The following THEMIS2 variants were observed in gnomAD, a reference collection of about 807,000 sequenced individuals.
THEMIS2 encodes the protein thymocyte selection associated family member 2, also known as protein THEMIS2.
A neutral mutation model predicts 46.8 loss-of-function variants in THEMIS2; 29 were observed. The observed-to-expected ratio is 0.62, with a 90% CI of 0.46 to 0.84. The LOEUF (loss-of-function observed/expected upper bound fraction) is 0.84. Ranked by LOEUF, THEMIS2 falls within the 40% of genes least tolerant of loss-of-function variation. THEMIS2 has a pLI of 0.00. For missense variants in THEMIS2, 698 were observed against 834.7 expected (o/e 0.84, Z 2.02); for synonymous variants, 335 against 349.1 (o/e 0.96, Z 0.45).
chr1:27,880,031 A>G lies in THEMIS2; in HGVS notation c.623A>G (p.Tyr208Cys). 1 of 1,605,890 alleles carries G rather than the reference A, an allele frequency of 6.2e-7. No individual in the cohort carries two copies. The highest frequency in any genetic ancestry group is 8.5e-7 in the Non-Finnish European group (1 of 1,173,764). ...CATTCCCTGATCCTGCGGCCCCAGT[A>G]TGAGATCCAAGCCATCATGCACAGT... ...PWHSLILRPQ[Y>C]EIQAIMHMRR... Residue 208 changes from tyrosine (Y) to cysteine (C), a missense_variant, in exon 3 of 6, where the codon TAT becomes TGT. Coordinates refer to ENST00000373921, the MANE Select transcript of THEMIS2 (RefSeq NM_001105556.3).
rs781454382 is a variant in THEMIS2 at position 27,879,639 on chromosome 1, C to G, written c.236-5C>G. 6.3e-7 allele frequency: 1 copy of G among 1,583,714 alleles called. No homozygotes were observed. The highest frequency in any genetic ancestry group is 8.6e-7 in the Non-Finnish European group (1 of 1,160,228). On this transcript the variant is annotated splice_polypyrimidine_tract_variant and splice_region_variant and intron_variant, in intron 2 of 5. Transcript: ENST00000373921. Reference sequence around the variant, plus strand: ...GACCTGCCTGCTCTCTGCTGTCCCCCACAGGCTACTTCACCCCCCTCAACA... The same window carrying G: ...GACCTGCCTGCTCTCTGCTGTCCCCGACAGGCTACTTCACCCCCCTCAACA...
chr1:27,879,498 C>A (rs1282299238), intron 2 of THEMIS2, 146 bp from the exon 3 acceptor site: 5 of 700,094 alleles, frequency 7.1e-6, no homozygotes, highest in Non-Finnish European at 1.2e-5. Context: ...GCCCAGATGT[C>A]CAGATGCAAA....
intron 2 of THEMIS2, 111 bp downstream of exon 2, chr1:27,876,839 C>T (rs1203328805): frequency 3.0e-6 from 4 of 1,343,234 alleles, no homozygotes; most frequent in Non-Finnish European, 3.0e-6. Flanking sequence ...TCGGGGTTTG[C>T]TCCCGAGGCC....
rs1428843941 is a variant in THEMIS2 at position 27,882,278 on chromosome 1, G to A, written c.954G>A (p.Gly318=). The A allele has an allele frequency of 3.7e-6, 6 of 1,606,758 alleles. 1 individual carries two copies. The South Asian group carries it at 5.5e-5, about 15-fold the overall frequency. The change falls in exon 4 of 6, where the codon GGG becomes GGA. Residue 318 remains glycine (G), a synonymous_variant. Coordinates refer to ENST00000373921, the MANE Select transcript of THEMIS2 (RefSeq NM_001105556.3). The surrounding 1 kb of genome is among the most constrained non-coding windows in gnomAD (Gnocchi z 7.6). ...TGCCCAGGCACTTCCTGGTGTCAGGGGGCTACCAAGGCAAGCTGCGGCGGC... is the reference window on the plus strand; with the variant it reads ...TGCCCAGGCACTTCCTGGTGTCAGGAGGCTACCAAGGCAAGCTGCGGCGGC... ...RKVPRHFLVS[G]GYQGKLRRRP...
chr1:27,874,433 G>A (rs898749304), intron 1 of THEMIS2, among the ~76,000 whole-genome samples: 1 of 151,838 alleles, frequency 6.6e-6, no homozygotes, highest in African/African-American at 2.4e-5. Context: ...TTGAGCCTAG[G>A]AGTTCGAGAT....
rs1045846619 is a variant in THEMIS2, at chr1:27,879,825, C to T, written c.417C>T (p.Leu139=). Residue 139 remains leucine (L), a synonymous_variant, in exon 3 of 6, where the codon CTC becomes CTT. Transcript: ENST00000373921. ...LLMLEAVVMH[L]GIRSARCVLG... ...TGCTTGAGGCTGTGGTGATGCACCT[C>T]GGGATCCGCTCTGCCCGCTGTGTCC... 31 of 1,613,760 alleles carry T rather than the reference C, an allele frequency of 1.9e-5. No individual in the cohort carries two copies. Among genetic ancestry groups the T allele is most frequent in the South Asian group, 7.7e-5 (7 of 91,088 alleles).
intron 2 of THEMIS2, among the ~76,000 whole-genome samples, chr1:27,876,997 AG>A (rs1434089372): frequency 6.6e-6 from 1 of 152,182 alleles, no homozygotes; most frequent in African/African-American, 2.4e-5. Flanking sequence ...CCTGTCTCTG[AG>A]TTCACTCACA....
intron 4 of THEMIS2, 156 bp from the exon 5 acceptor site, chr1:27,885,139 T>C (rs1467464): frequency 0.4 from 276,187 of 697,074 alleles, 56,319 homozygotes; most frequent in African/African-American, 0.57. Context: ...TTCACATGCA[T>C]GTAGCAAAAA....
chr1:27,880,516 G>A (rs1372448385), intron 3 of THEMIS2, among the ~76,000 whole-genome samples: 1 of 152,014 alleles, frequency 6.6e-6, no homozygotes, highest in East Asian at 1.9e-4. Flanking sequence ...AAATTATCTC[G>A]GCTACGCCAG....
At chr1:27,876,489 G>A in intron 1 of THEMIS2, 99 bp from the exon 2 acceptor site, 1 of 1,454,618 alleles carries the variant, frequency 6.9e-7, no homozygotes, top group South Asian at 1.3e-5. Flanking sequence ...GGCACCATGT[G>A]CAAAGGCATG....
In THEMIS2 at chr1:27,882,126, G is replaced by A. The variant is rs777916241; in HGVS notation, c.802G>A (p.Val268Ile). The change falls in exon 4 of 6, where the codon GTT (valine) becomes ATT (isoleucine). Residue 268 changes from valine (V) to isoleucine (I), a missense_variant. Val to Ile is a conservative substitution (Grantham distance 29). Coordinates refer to ENST00000373921, the MANE Select transcript of THEMIS2 (RefSeq NM_001105556.3). This position sits in a 1 kb window ranked among gnomAD's most constrained non-coding sequence, Gnocchi z 7.6. ...CCCCCTGTCCATGGAGATCCTGGAG[G>A]TTCCTGAGGGCCGCCCCATCTTCCT... is the stretch of plus-strand genomic sequence containing the variant. ...PFPLSMEILE[V>I]PEGRPIFLSP... 3.7e-6 allele frequency: 6 copies of A among 1,614,096 alleles called. No individual in the cohort carries two copies. Among genetic ancestry groups the A allele is most frequent in the Admixed American group, 1.7e-5 (1 of 60,012 alleles).
At chr1:27,878,122 CAAA>C (rs71586806) in intron 2 of THEMIS2, among the ~76,000 whole-genome samples, 4 of 77,710 alleles carry the variant, frequency 5.1e-5, no homozygotes, top group Non-Finnish European at 5.2e-5. Context: ...CTCTGTCTCT[CAAA>C]AAAAAAAAAA....
At position 27,872,617 on chromosome 1, in the gene THEMIS2, G is replaced by A; in HGVS notation, c.46G>A (p.Ala16Thr). ...LQDFVRALDP[A>T]SLPRVLRVCS... The stretch of plus-strand genomic sequence containing the variant: ...GGACTTCGTGCGCGCCTTGGACCCC[G>A]CCTCCCTCCCGCGCGTGCTGCGGGT... Residue 16 changes from alanine (A) to threonine (T), a missense_variant, in exon 1 of 6, where the codon GCC (alanine) becomes ACC (threonine). By Grantham distance (58) the Ala-to-Thr change is moderately conservative. Transcript: ENST00000373921. This position sits in a 1 kb window ranked among gnomAD's most constrained non-coding sequence, Gnocchi z 4.9. 1.4e-6 allele frequency: 2 copies of A among 1,475,534 alleles called. No homozygotes were observed. Among genetic ancestry groups the A allele is most frequent in the Non-Finnish European group, 9.0e-7 (1 of 1,114,352 alleles). 91.4% of individuals were successfully genotyped at this position (1,475,534 alleles called of 1,614,324 possible).
chr1:27,879,771 C>A lies in THEMIS2; in HGVS notation c.363C>A (p.Gly121=). Residue 121 remains glycine, a synonymous_variant, in exon 3 of 6, where the codon GGC becomes GGA. Coordinates refer to ENST00000373921, the MANE Select transcript of THEMIS2 (RefSeq NM_001105556.3). Reference sequence around the variant, plus strand: ...CGACCCACAGGATTGTCACAGAGGGCAGGGTGGTGACTGAGGACCAGCTCC... The same window carrying A: ...CGACCCACAGGATTGTCACAGAGGGAAGGGTGGTGACTGAGGACCAGCTCC... The part of the protein sequence containing the change: ...FMSTHRIVTE[G]RVVTEDQLLM... 3 of 1,614,142 alleles carry A rather than the reference C, an allele frequency of 1.9e-6. No individual in the cohort carries two copies. Among genetic ancestry groups the A allele is most frequent in the Non-Finnish European group, 2.5e-6 (3 of 1,179,998 alleles).
In THEMIS2 at chr1:27,885,342, C is replaced by T; in HGVS notation, c.1767C>T (p.Pro589=). The change falls in exon 5 of 6, where the codon CCC becomes CCT. Residue 589 remains proline, a synonymous_variant. Transcript: ENST00000373921. ...GLQQHARLPK[P]KAKTLPEFIK... The stretch of plus-strand genomic sequence containing the variant: ...AGCAACACGCTCGGCTGCCCAAACC[C>T]AAGGCGAAGACCTTGCCAGAGTTCA... The T allele has an allele frequency of 6.2e-7, 1 of 1,614,184 alleles. No homozygotes were observed. Among genetic ancestry groups the T allele is most frequent in the Non-Finnish European group, 8.5e-7 (1 of 1,180,024 alleles).
At chr1:27,883,171 AC>A (rs1309204547) in intron 4 of THEMIS2, 128 bp downstream of exon 4, 7 of 793,198 alleles carry the variant, frequency 8.8e-6, no homozygotes, top group Non-Finnish European at 1.4e-5. Flanking sequence ...CACACTTTGC[AC>A]CCATTATTCT....
chr1:27,880,615 C>T (rs2089663263), intron 3 of THEMIS2, among the ~76,000 whole-genome samples: 1 of 152,168 alleles, frequency 6.6e-6, no homozygotes, highest in Non-Finnish European at 1.5e-5. Context: ...ATAGCAAGAC[C>T]CCCATCTCTA....
intron 3 of THEMIS2, among the ~76,000 whole-genome samples, chr1:27,880,562 G>A (rs925503113): frequency 1.3e-5 from 2 of 152,214 alleles, no homozygotes; most frequent in African/African-American, 4.8e-5. Flanking sequence ...CAGCACTTTG[G>A]AGGATCGCTT....
chr1:27,882,739 T>A lies in THEMIS2; in HGVS notation c.1415T>A (p.Phe472Tyr). 1 of 1,613,862 alleles carries A rather than the reference T, an allele frequency of 6.2e-7. No individual in the cohort carries two copies. Residue 472 changes from phenylalanine to tyrosine, a missense_variant, in exon 4 of 6, where the codon TTC becomes TAC. Coordinates refer to ENST00000373921, the MANE Select transcript of THEMIS2 (RefSeq NM_001105556.3). The surrounding 1 kb of genome is among the most constrained non-coding windows in gnomAD (Gnocchi z 7.6). Reference protein sequence around the residue: ...TSHPTDPLTSFLGLRLEEKIT... With the variant: ...TSHPTDPLTSYLGLRLEEKIT... ...CACCCCACTGACCCTCTGACCTCCT[T>A]CCTGGGCCTGCGGCTGGAGGAGAAG...
Sources: allele counts gnomAD v4.1 joint callset (sites outside exome capture counted in the v4.1 genomes callset), GRCh38; gene constraint gnomAD v4.1.1; non-coding constraint Gnocchi (gnomAD v3.1); transcripts MANE v1.5; gene names NCBI Gene and HGNC (gene_info 2026-07-23, HGNC 2026-07-21).